The following SEMA4D variants were observed in gnomAD, a reference collection of about 807,000 sequenced individuals.
SEMA4D encodes semaphorin 4D.
Under a neutral mutation model 74.8 loss-of-function variants are expected in SEMA4D, and 22 were observed. That is an observed-to-expected ratio of 0.29 (90% confidence interval 0.21 to 0.42). The LOEUF (loss-of-function observed/expected upper bound fraction) is 0.42. Ranked by LOEUF, SEMA4D falls within the 10% of genes least tolerant of loss-of-function variation. The pLI is 1.00. For synonymous variants in SEMA4D, 445 were observed against 463.7 expected, an observed-to-expected ratio of 0.96 and a Z score of 0.52; for missense variants, 937 against 1,118.4, an observed-to-expected ratio of 0.84 and a Z score of 2.31.
At chr9:89,367,513 A>G (rs1372279550) in intron 16 of SEMA4D, 1 of 152,136 alleles carries the variant, frequency 6.6e-6, no homozygotes, top group Non-Finnish European at 1.5e-5. Flanking sequence ...GGGGCTCAGC[A>G]GCCACCAACC....
chr9:89,477,094 G>C (rs1861933516), intron 1 of SEMA4D, among the ~76,000 whole-genome samples: 1 of 152,150 alleles, frequency 6.6e-6, no homozygotes, highest in Non-Finnish European at 1.5e-5. Flanking sequence ...CGTAAAATAA[G>C]TTCAGTAAGC....
At chr9:89,366,471 G>A (rs1833687921) in intron 16 of SEMA4D, among the ~76,000 whole-genome samples, 2 of 152,172 alleles carry the variant, frequency 1.3e-5, no homozygotes. Context: ...GCCCTGGCCT[G>A]GTGGACAAGC....
At chr9:89,488,714 C>T (rs1372536187) in intron 1 of SEMA4D, among the ~76,000 whole-genome samples, 2 of 152,184 alleles carry the variant, frequency 1.3e-5, no homozygotes, top group South Asian at 2.1e-4. Flanking sequence ...AAAATTACCA[C>T]ATTTTCAGAA....
chr9:89,446,986 A>C (rs1853056150), intron 2 of SEMA4D, among the ~76,000 whole-genome samples: 1 of 152,010 alleles, frequency 6.6e-6, no homozygotes, highest in Non-Finnish European at 1.5e-5. Flanking sequence ...TTCCCTTCCA[A>C]ATCCTGCCAT....
At chr9:89,412,048 T>A (rs1844649848) in intron 2 of SEMA4D, among the ~76,000 whole-genome samples, 1 of 151,944 alleles carries the variant, frequency 6.6e-6, no homozygotes, top group Admixed American at 6.6e-5. Context: ...GCTGGCTCCA[T>A]CCCACAGTCA....
At chr9:89,448,987 A>C (rs889095204) in intron 2 of SEMA4D, among the ~76,000 whole-genome samples, 4 of 152,206 alleles carry the variant, frequency 2.6e-5, no homozygotes, top group Non-Finnish European at 5.9e-5. Flanking sequence ...CAGGCTGAGC[A>C]CGCCCATTGA....
At chr9:89,362,846 G>C (rs1297908945) in intron 18 of SEMA4D, among the ~76,000 whole-genome samples, 1 of 152,242 alleles carries the variant, frequency 6.6e-6, no homozygotes, top group Non-Finnish European at 1.5e-5. Flanking sequence ...ATGAATCCCT[G>C]CCTTTGCCTT....
At chr9:89,386,996 G>A (rs994263193) in intron 12 of SEMA4D, among the ~76,000 whole-genome samples, 1 of 152,196 alleles carries the variant, frequency 6.6e-6, no homozygotes, top group African/African-American at 2.4e-5. Flanking sequence ...CTGGCTCCTC[G>A]GCCAGGAAGC....
chr9:89,466,677 G>A (rs1858811340), intron 1 of SEMA4D, among the ~76,000 whole-genome samples: 1 of 152,176 alleles, frequency 6.6e-6, no homozygotes, highest in Non-Finnish European at 1.5e-5. Flanking sequence ...ACTGCAATTA[G>A]TACACAGTAA....
At chr9:89,372,013 T>G (rs1391219836) in intron 16 of SEMA4D, among the ~76,000 whole-genome samples, 1 of 108,702 alleles carries the variant, frequency 9.2e-6, no homozygotes, top group South Asian at 3.5e-4. Context: ...GGGTGTGGTG[T>G]GTGTCTGGGG....
At chr9:89,450,646 G>C in intron 2 of SEMA4D, 1 of 484,830 alleles carries the variant, frequency 2.1e-6, no homozygotes, top group Admixed American at 3.7e-5. Context: ...AGTTCTGCAA[G>C]TCGAAAAACC....
chr9:89,478,195 C>G (rs1862241618), intron 1 of SEMA4D, among the ~76,000 whole-genome samples: 1 of 152,158 alleles, frequency 6.6e-6, no homozygotes, highest in Non-Finnish European at 1.5e-5. Flanking sequence ...GAGATGCAAT[C>G]TTGTTTGCAA....
At chr9:89,367,600 C>T (rs1434815526) in intron 16 of SEMA4D, 1 of 152,286 alleles carries the variant, frequency 6.6e-6, no homozygotes, top group African/African-American at 2.4e-5. Flanking sequence ...GTTGTTGTGG[C>T]TTACAAGGAT....
At chr9:89,391,634 T>C (rs569854581) in intron 8 of SEMA4D, among the ~76,000 whole-genome samples, 224 of 152,250 alleles carry the variant, frequency 1.5e-3, no homozygotes, top group African/African-American at 5.1e-3. Context: ...CTCCTCGGCC[T>C]CAGAGAGGTG....
At chr9:89,462,960 GCGAGC>G (rs1857655407) in intron 1 of SEMA4D, among the ~76,000 whole-genome samples, 2 of 90,122 alleles carry the variant, frequency 2.2e-5, no homozygotes, top group South Asian at 3.4e-4. Context: ...GGAGGGGGGA[GCGAGC>G]GAGGGGAGGG....
At chr9:89,393,504 G>A (rs537134520) in intron 7 of SEMA4D, 58 bp downstream of exon 7, 1 of 1,357,528 alleles carries the variant, frequency 7.4e-7, no homozygotes, top group South Asian at 1.2e-5. Flanking sequence ...TATCCTGTTT[G>A]GTAATTAACA....
rs566269540 is a variant in SEMA4D at position 89,495,825 on chromosome 9, G to A, written c.-310+2094C>T. Among the ~76,000 whole-genome samples, 412 of 146,304 alleles carry A rather than the reference G, an allele frequency of 2.8e-3. 3 individuals are homozygous for A. The highest frequency in any genetic ancestry group is 9.7e-3 in the African/African-American group (391 of 40,396). ...CATCCCTCCCTCCCCAACAGAAATG[G>A]AACCAAGAGAGGCAGAAGCCTGAAC... On this transcript the variant is annotated intron_variant, in intron 1 of 15. Coordinates refer to ENST00000422704, the MANE Select transcript of SEMA4D (RefSeq NM_001371194.2).
intron 3 of SEMA4D, among the ~76,000 whole-genome samples, chr9:89,403,284 T>C (rs1239051059): frequency 6.6e-6 from 1 of 152,168 alleles, no homozygotes; most frequent in African/African-American, 2.4e-5. Flanking sequence ...TGTGCTCACT[T>C]TGAAGCTGTG....
chr9:89,373,795 G>C (rs1835432829), downstream of SEMA4D, among the ~76,000 whole-genome samples: 1 of 152,156 alleles, frequency 6.6e-6, no homozygotes, highest in African/African-American at 2.4e-5. Context: ...TCCAGGCTCT[G>C]GGCCTCACCT....
Sources: gnomAD v4.1 joint callset for allele counts (sites outside exome capture counted in the v4.1 genomes callset) on GRCh38, gnomAD v4.1.1 for gene constraint, MANE v1.5 for transcripts, NCBI Gene and HGNC (gene_info 2026-07-23, HGNC 2026-07-21) for gene names.